ANKS1B: variants seen among roughly 807,000 people sequenced by gnomAD.
ANKS1B encodes the protein ankyrin repeat and sterile alpha motif domain-containing protein 1B.
In ANKS1B, 36 loss-of-function variants were observed where a neutral mutation model predicts 148.3. The observed-to-expected ratio is 0.24, with a 90% confidence interval of 0.19 to 0.32. ANKS1B has a LOEUF of 0.32. Ranked by LOEUF, ANKS1B falls within the 10% of genes least tolerant of loss-of-function variation. The pLI, the probability that ANKS1B is intolerant of heterozygous loss-of-function variation, is 1.00. For synonymous variants in ANKS1B, 542 were observed against 560.8 expected, an observed-to-expected ratio of 0.97 and a Z score of 0.47; for missense variants, 1,157 against 1,542.6, an observed-to-expected ratio of 0.75 and a Z score of 4.19.
intron 15 of ANKS1B, among the ~76,000 whole-genome samples, chr12:99,094,916 G>T (rs573018750): frequency 6.6e-6 from 1 of 152,212 alleles, no homozygotes; most frequent in Non-Finnish European, 1.5e-5. Flanking sequence ...TGGGAGGTAT[G>T]GAAGTTGAGC....
chr12:99,384,812 C>T (rs539233408), intron 12 of ANKS1B, among the ~76,000 whole-genome samples: 1 of 152,092 alleles, frequency 6.6e-6, no homozygotes, highest in Non-Finnish European at 1.5e-5. Context: ...ACTATAATAA[C>T]ATTAGTTTTA....
In ANKS1B at chr12:99,158,255, A is replaced by T. The variant is rs995596184; in HGVS notation, c.2420-3860T>A. On this transcript the variant is annotated intron_variant, in intron 14 of 26. Coordinates refer to ENST00000683438, the MANE Select transcript of ANKS1B (RefSeq NM_001352186.2). ...ACTTTTATGGAGTCTTAAAATTCTT[A>T]AAGCATAACAACACACTAATTAGGC... 2.0e-5 allele frequency among the ~76,000 whole-genome samples: 3 copies of T among 152,184 alleles called. No individual in the cohort carries two copies. The East Asian group carries it at 5.8e-4, about 29-fold the overall frequency.
intron 12 of ANKS1B, among the ~76,000 whole-genome samples, chr12:99,354,886 G>A (rs976138253): frequency 1.3e-5 from 2 of 151,970 alleles, no homozygotes; most frequent in African/African-American, 4.8e-5. Context: ...AGTTGGGAGG[G>A]TATTAGCATA....
chr12:99,661,248 A>G (rs758651279), intron 8 of ANKS1B, among the ~76,000 whole-genome samples: 29 of 152,146 alleles, frequency 1.9e-4, no homozygotes, highest in Non-Finnish European at 3.4e-4. Flanking sequence ...AGATTGAGTA[A>G]ATTTACTGAA....
At chr12:99,416,755 G>T (rs2094921737) in intron 11 of ANKS1B, among the ~76,000 whole-genome samples, 1 of 152,166 alleles carries the variant, frequency 6.6e-6, no homozygotes, top group Admixed American at 6.5e-5. Context: ...TTCTTTGTTA[G>T]ATATGTGATT....
At chr12:99,285,422 C>T (rs1308197216) in intron 12 of ANKS1B, among the ~76,000 whole-genome samples, 1 of 152,150 alleles carries the variant, frequency 6.6e-6, no homozygotes, top group Non-Finnish European at 1.5e-5. Context: ...CTACTATGGA[C>T]ATTTGTATAA....
chr12:99,705,740 A>C (rs922264059), intron 8 of ANKS1B, among the ~76,000 whole-genome samples: 1 of 152,144 alleles, frequency 6.6e-6, no homozygotes, highest in Non-Finnish European at 1.5e-5. Context: ...ATGATGGAGA[A>C]GAATTGCAAG....
intron 1 of ANKS1B, among the ~76,000 whole-genome samples, chr12:99,927,161 G>GA (rs5800391): frequency 2.6e-5 from 4 of 151,218 alleles, no homozygotes; most frequent in Admixed American, 6.6e-5. Flanking sequence ...AAAGCTGAAA[G>GA]AAAAAAAAAT....
chr12:98,805,250 G>T (rs1224974213), intron 20 of ANKS1B, among the ~76,000 whole-genome samples: 2 of 151,378 alleles, frequency 1.3e-5, no homozygotes, highest in Admixed American at 6.6e-5. Flanking sequence ...TTTTGTCATG[G>T]CTTAAAACTT....
intron 8 of ANKS1B, among the ~76,000 whole-genome samples, chr12:99,748,180 T>C (rs2060781363): frequency 6.6e-6 from 1 of 152,060 alleles, no homozygotes. Context: ...GTGCCACAAA[T>C]TGCAACCCTG....
intron 17 of ANKS1B, among the ~76,000 whole-genome samples, chr12:98,855,656 A>G (rs1212881915): frequency 1.3e-5 from 2 of 152,180 alleles, no homozygotes; most frequent in African/African-American, 2.4e-5. Flanking sequence ...GATTTTTAGG[A>G]TTGTACTGGC....
At chr12:98,764,877 A>G (rs2098460052) in intron 25 of ANKS1B, among the ~76,000 whole-genome samples, 1 of 152,144 alleles carries the variant, frequency 6.6e-6, no homozygotes, top group South Asian at 2.1e-4. Flanking sequence ...ATTCTGTTGT[A>G]ACTATTTGCT....
At chr12:99,732,858 A>G (rs1299111369) in intron 8 of ANKS1B, among the ~76,000 whole-genome samples, 2 of 152,214 alleles carry the variant, frequency 1.3e-5, no homozygotes, top group Non-Finnish European at 1.5e-5. Flanking sequence ...ACTGGATATC[A>G]GAGATTCTGA....
chr12:98,812,630 G>A (rs2099106389), intron 19 of ANKS1B, among the ~76,000 whole-genome samples: 1 of 152,116 alleles, frequency 6.6e-6, no homozygotes, highest in Admixed American at 6.5e-5. Flanking sequence ...CTAGAGTGCA[G>A]GGGTGCGATC....
At chr12:99,651,799 G>GA (rs1555529392) in intron 9 of ANKS1B, among the ~76,000 whole-genome samples, 4 of 151,778 alleles carry the variant, frequency 2.6e-5, no homozygotes, top group Non-Finnish European at 5.9e-5. Context: ...GATAATAACA[G>GA]AAAAAGATTT....
intron 19 of ANKS1B, among the ~76,000 whole-genome samples, chr12:98,828,761 T>C (rs1209971843): frequency 6.6e-6 from 1 of 152,270 alleles, no homozygotes; most frequent in Non-Finnish European, 1.5e-5. Context: ...TATGAATGTA[T>C]AGACTTGGGA....
At chr12:98,799,103 T>C in intron 21 of ANKS1B, 98 bp from the exon 22 acceptor site, 2 of 747,884 alleles carry the variant, frequency 2.7e-6, no homozygotes, top group Non-Finnish European at 2.0e-6. Context: ...CTAGGTTTCC[T>C]GGCTGTAAGT....
At position 99,729,205 on chromosome 12, in the gene ANKS1B, C is replaced by A. The variant is rs79939096; in HGVS notation, c.1128+43717G>T. ...TATTCATCTTTCTATTTGAAAGACG[C>A]TTTTTCCGAGTATAAAATTCTAGAT... On this transcript the variant is annotated intron_variant, in intron 8 of 26. Transcript: ENST00000683438. Among the ~76,000 whole-genome samples, 263 of 152,224 alleles carry A rather than the reference C, an allele frequency of 1.7e-3. 1 individual carries two copies. The highest frequency in any genetic ancestry group is 6.0e-3 in the African/African-American group (250 of 41,558).
chr12:98,992,688 A>G (rs1015240375), intron 17 of ANKS1B, among the ~76,000 whole-genome samples: 3 of 152,194 alleles, frequency 2.0e-5, no homozygotes, highest in African/African-American at 7.2e-5. Context: ...GTGAGAATGG[A>G]CTACTACACC....
Sources: allele counts gnomAD v4.1 joint callset (sites outside exome capture counted in the v4.1 genomes callset), GRCh38; gene constraint gnomAD v4.1.1; transcripts MANE v1.5; gene names NCBI Gene and HGNC (gene_info 2026-07-23, HGNC 2026-07-21).